Variants in THUMPD3 observed in about 807,000 individuals in gnomAD.
THUMPD3 encodes THUMP domain 3 tRNA guanosine methyltransferase.
THUMPD3 carries 44 observed loss-of-function variants against 54.5 expected under a neutral mutation model. The observed-to-expected ratio is 0.81, with a 90% CI of 0.63 to 1.04. THUMPD3 has a LOEUF of 1.04. THUMPD3 is among the 50% of genes least tolerant of loss of function. THUMPD3 has a pLI of 0.00. For missense variants in THUMPD3, 604 were observed against 601.3 expected, an observed-to-expected ratio of 1.00 and a Z score of -0.05; for synonymous variants, 196 against 201.4, an observed-to-expected ratio of 0.97 and a Z score of 0.23.
chr3:9,364,701 T>A (rs1263933917), intron 1 of THUMPD3, among the ~76,000 whole-genome samples: 2 of 152,246 alleles, frequency 1.3e-5, no homozygotes, highest in East Asian at 3.8e-4. Context: ...AGAAATGGAT[T>A]TGAATGTGAT....
intron 7 of THUMPD3, among the ~76,000 whole-genome samples, chr3:9,381,949 T>A (rs999859567): frequency 3.3e-5 from 5 of 151,032 alleles, no homozygotes; most frequent in Non-Finnish European, 7.4e-5. Flanking sequence ...CCGGCTTATT[T>A]TTTTTTTGTA....
At chr3:9,374,889 C>A (rs533975895) in intron 5 of THUMPD3, among the ~76,000 whole-genome samples, 2 of 152,160 alleles carry the variant, frequency 1.3e-5, no homozygotes, top group Admixed American at 6.5e-5. Context: ...GACAAAGTCT[C>A]ACTCTGTCGC....
In THUMPD3 at chr3:9,383,179, C is replaced by G. The variant is rs770995021; in HGVS notation, c.1125-20C>G. On this transcript the variant is annotated intron_variant, in intron 7 of 9. Coordinates refer to ENST00000452837, the MANE Select transcript of THUMPD3 (RefSeq NM_001114092.2). Reference sequence around the variant, plus strand: ...TTATGCTTCACAGTATGTTGAAGCACCTTTCCTTTGTCCCCACAGCAAACC... The same window carrying G: ...TTATGCTTCACAGTATGTTGAAGCAGCTTTCCTTTGTCCCCACAGCAAACC... 2.5e-6 allele frequency: 4 copies of G among 1,573,890 alleles called. No individual in the cohort carries two copies. Among genetic ancestry groups the G allele is most frequent in the East Asian group, 2.2e-5 (1 of 44,646 alleles).
chr3:9,367,337 A>G (rs1179192809), intron 3 of THUMPD3, among the ~76,000 whole-genome samples: 2 of 152,244 alleles, frequency 1.3e-5, no homozygotes, highest in Admixed American at 6.5e-5. Flanking sequence ...TCTTCTACAA[A>G]TAACACTTCC....
Position 9,374,660 on chromosome 3 carries a change from T to C in THUMPD3, c.938+14T>C, listed in dbSNP as rs1439360687. 1 of 1,612,486 alleles carries C rather than the reference T, an allele frequency of 6.2e-7. No homozygotes were observed. Among genetic ancestry groups the C allele is most frequent in the South Asian group, 1.1e-5 (1 of 90,926 alleles). ...TGGGATGCTCAGGTAAGAAAATGAG[T>C]TTGCCATCCAGCTTAAAGTGGCACC... On this transcript the variant is annotated intron_variant, in intron 5 of 9. Coordinates refer to ENST00000452837, the MANE Select transcript of THUMPD3 (RefSeq NM_001114092.2).
rs769354261 is a variant in THUMPD3 at position 9,371,031 on chromosome 3, G to C, written c.331-29G>C. 1.2e-5 allele frequency: 17 copies of C among 1,474,814 alleles called. No homozygotes were observed. In the African/African-American group the frequency reaches 2.0e-4, roughly 17 times the overall value. 91.4% of individuals were successfully genotyped at this position (1,474,814 alleles called of 1,614,324 possible). The stretch of plus-strand genomic sequence containing the variant: ...TTGTTTGATTATAGTGGTGAGAAAT[G>C]AATGAATTTCTTTCTCTGTCCTTTA... On this transcript the variant is annotated intron_variant, in intron 3 of 9. Transcript: ENST00000452837.
At chr3:9,368,656 T>C (rs1292730780) in intron 3 of THUMPD3, among the ~76,000 whole-genome samples, 1 of 152,128 alleles carries the variant, frequency 6.6e-6, no homozygotes, top group African/African-American at 2.4e-5. Context: ...CCACCGCGCC[T>C]GGCCTCCATC....
intron 3 of THUMPD3, among the ~76,000 whole-genome samples, chr3:9,369,249 G>T (rs2031819091): frequency 7.6e-6 from 1 of 131,136 alleles, no homozygotes; most frequent in African/African-American, 3.0e-5. Context: ...GGCAGAAGTT[G>T]CAGTGAGCCG....
intron 5 of THUMPD3, 123 bp downstream of exon 5, chr3:9,374,769 A>G: frequency 2.7e-6 from 3 of 1,110,580 alleles, no homozygotes; most frequent in Non-Finnish European, 3.9e-6. Flanking sequence ...GATAAAGAAT[A>G]GAATGGAAAG....
rs2033219023 is a variant in THUMPD3 at position 9,384,792 on chromosome 3, C to T, written c.*104C>T. Reference sequence around the variant, plus strand: ...AAAACTGCAGTCTGCACTCTTTAAACCTGTTTAAGGCTCTTCATCCTGGTT... The same window carrying T: ...AAAACTGCAGTCTGCACTCTTTAAATCTGTTTAAGGCTCTTCATCCTGGTT... On this transcript the variant is annotated 3_prime_UTR_variant, in exon 10 of 10. Transcript: ENST00000452837. 2 of 1,336,712 alleles carry T rather than the reference C, an allele frequency of 1.5e-6. No individual in the cohort carries two copies. The highest frequency in any genetic ancestry group is 2.1e-6 in the Non-Finnish European group (2 of 963,442). 82.8% of individuals were successfully genotyped at this position (1,336,712 alleles called of 1,614,324 possible). A position where few individuals can be genotyped will look rare whatever the true frequency, so the allele number is the denominator to read the frequency against.
At chr3:9,365,422 T>C in intron 2 of THUMPD3, 102 bp downstream of exon 2, 2 of 1,397,456 alleles carry the variant, frequency 1.4e-6, no homozygotes, top group East Asian at 4.6e-5. Flanking sequence ...TTTTCATTGC[T>C]CTGCCCCAAA....
intron 3 of THUMPD3, among the ~76,000 whole-genome samples, chr3:9,370,661 G>T (rs1000469328): frequency 1.3e-5 from 2 of 152,104 alleles, no homozygotes; most frequent in African/African-American, 4.8e-5. Flanking sequence ...GCCCAGTCTG[G>T]TCTCAAACTC....
At chr3:9,372,877 T>A (rs1336079530) in intron 4 of THUMPD3, among the ~76,000 whole-genome samples, 1 of 152,198 alleles carries the variant, frequency 6.6e-6, no homozygotes, top group Non-Finnish European at 1.5e-5. Flanking sequence ...CACTTGAATC[T>A]GGGGCAAGTC....
At position 9,386,375 on chromosome 3, in the gene THUMPD3, A is replaced by ACC. The variant is rs1280687141; in HGVS notation, c.*1693_*1694dup. On this transcript the variant is annotated 3_prime_UTR_variant, in exon 10 of 10. Coordinates refer to ENST00000452837, the MANE Select transcript of THUMPD3 (RefSeq NM_001114092.2). ...TGTTTTCACCACGATGTCTTTCCCC[A>ACC]CCCCCCCACCCCCCACTCCACCCCC... is the stretch of plus-strand genomic sequence containing the variant. 1 of 73,652 alleles carries ACC rather than the reference A, an allele frequency of 1.4e-5. No individual in the cohort carries two copies. Among genetic ancestry groups the ACC allele is most frequent in the Admixed American group, 1.3e-4 (1 of 7,408 alleles). 4.6% of individuals were successfully genotyped at this position (73,652 alleles called of 1,614,324 possible).
In THUMPD3 at chr3:9,384,543, A is replaced by G; in HGVS notation, c.1379A>G (p.His460Arg). The change falls in exon 10 of 10, where the codon CAC becomes CGC. Residue 460 changes from histidine to arginine, a missense_variant. His to Arg is a conservative substitution (Grantham distance 29, BLOSUM62 0). Coordinates refer to ENST00000452837, the MANE Select transcript of THUMPD3 (RefSeq NM_001114092.2). Reference protein sequence around the residue: ...CFTKALSGMRHVWRKVDTVWV... With the variant: ...CFTKALSGMRRVWRKVDTVWV... ...ACACAGGCGTTATCTGGAATGCGAC[A>G]CGTATGGCGAAAGGTGGATACAGTC... The G allele has an allele frequency of 1.2e-6, 2 of 1,614,218 alleles. No homozygotes were observed. The highest frequency in any genetic ancestry group is 1.7e-6 in the Non-Finnish European group (2 of 1,180,044).
At chr3:9,366,665 G>A (rs1478608822) in intron 2 of THUMPD3, among the ~76,000 whole-genome samples, 2 of 152,172 alleles carry the variant, frequency 1.3e-5, no homozygotes, top group African/African-American at 4.8e-5. Flanking sequence ...CACAAAAGAC[G>A]TGTTGCCCAC....
At chr3:9,381,026 A>C (rs2032845787) in intron 7 of THUMPD3, 1 of 157,098 alleles carries the variant, frequency 6.4e-6, no homozygotes, top group African/African-American at 2.4e-5. Flanking sequence ...CAACCTACTG[A>C]GCTCAAGCAA....
chr3:9,377,336 T>C (rs924591099), intron 5 of THUMPD3, among the ~76,000 whole-genome samples: 1 of 152,114 alleles, frequency 6.6e-6, no homozygotes, highest in Non-Finnish European at 1.5e-5. Flanking sequence ...CCCCAAGTAA[T>C]GGAATATACA....
rs1575065290 is a variant in THUMPD3 at position 9,372,852 on chromosome 3, C to T, written c.807+1316C>T. On this transcript the variant is annotated intron_variant, in intron 4 of 9. Coordinates refer to ENST00000452837, the MANE Select transcript of THUMPD3 (RefSeq NM_001114092.2). ...GATATATTTACCAAAGAGTCAATTTCCGTTGCTTTTGGGACACTTGAATCT... is the reference window on the plus strand; with the variant it reads ...GATATATTTACCAAAGAGTCAATTTTCGTTGCTTTTGGGACACTTGAATCT... Among the ~76,000 whole-genome samples, 5 of 152,294 alleles carry T rather than the reference C, an allele frequency of 3.3e-5. 1 individual carries two copies. Among genetic ancestry groups the T allele is most frequent in the Admixed American group, 3.3e-4 (5 of 15,300 alleles).
Sources: gnomAD v4.1 joint callset for allele counts (sites outside exome capture counted in the v4.1 genomes callset) on GRCh38, gnomAD v4.1.1 for gene constraint, MANE v1.5 for transcripts, NCBI Gene and HGNC (gene_info 2026-07-23, HGNC 2026-07-21) for gene names.